GPR39: variants seen among roughly 807,000 people sequenced by gnomAD.
The protein encoded by GPR39 is zinc sensing receptor.
GPR39 carries 23 observed loss-of-function variants against 18.4 expected under a neutral mutation model. The ratio of observed to expected loss-of-function variants is 1.25; its 90% CI spans 0.90 to 1.77. The LOEUF is 1.77. GPR39 is among the 40% of genes most tolerant of loss of function. The pLI, the probability that GPR39 is intolerant of heterozygous loss-of-function variation, is 0.00. For missense variants in GPR39, 647 were observed against 602.4 expected (o/e 1.07, Z -0.78); for synonymous variants, 280 against 257.9 (o/e 1.09, Z -0.82).
At chr2:132,573,855 A>G (rs16836223) in intron 1 of GPR39, among the ~76,000 whole-genome samples, 3,073 of 152,298 alleles carry the variant, frequency 0.02, 113 homozygotes, top group African/African-American at 0.068. Flanking sequence ...AGAATAAGCA[A>G]AGCCTCTTGA....
At chr2:132,644,026 T>C (rs1573716048) in intron 1 of GPR39, among the ~76,000 whole-genome samples, 1 of 152,360 alleles carries the variant, frequency 6.6e-6, no homozygotes, top group South Asian at 2.1e-4. Context: ...GGGAATTTAC[T>C]GTGGGTGTCT....
chr2:132,422,054 T>C (rs1374021962), intron 1 of GPR39, among the ~76,000 whole-genome samples: 2 of 152,328 alleles, frequency 1.3e-5, no homozygotes, highest in East Asian at 3.9e-4. Flanking sequence ...ATATTAATTC[T>C]TATAATGATT....
chr2:132,417,200 GGGTCACCCA>G lies in GPR39; in HGVS notation c.162_170del (p.Thr55_Val57del), dbSNP rs775978167. The G allele has an allele frequency of 1.1e-5, 17 of 1,613,966 alleles. No individual in the cohort carries two copies. The highest frequency in any genetic ancestry group is 2.2e-5 in the South Asian group (2 of 91,082). ...CTTCTGGGGAACAGCGCCACCATTC[GGGTCACCCA>G]GGTGCTGCAGAAGAAAGGATACTTG... On this transcript the variant is annotated inframe_deletion, in exon 1 of 2. Coordinates refer to ENST00000329321, the MANE Select transcript of GPR39 (RefSeq NM_001508.3).
intron 1 of GPR39, among the ~76,000 whole-genome samples, chr2:132,495,262 A>AACCTT (rs1369056190): frequency 6.6e-6 from 1 of 152,324 alleles, no homozygotes; most frequent in African/African-American, 2.4e-5. Context: ...AGAGCAAGTG[A>AACCTT]ACCTTACATT....
At chr2:132,639,094 C>T (rs753662922) in intron 1 of GPR39, among the ~76,000 whole-genome samples, 4 of 152,108 alleles carry the variant, frequency 2.6e-5, no homozygotes, top group East Asian at 1.9e-4. Context: ...CAGTGTTGTT[C>T]GGCTCAGACC....
chr2:132,575,109 G>T, intron 1 of GPR39, among the ~76,000 whole-genome samples: 1 of 151,270 alleles, frequency 6.6e-6, no homozygotes, highest in African/African-American at 2.4e-5. Context: ...TAACATTTTG[G>T]AGTTCATTTT....
intron 1 of GPR39, among the ~76,000 whole-genome samples, chr2:132,525,215 C>G (rs1679487244): frequency 6.6e-6 from 1 of 152,208 alleles, no homozygotes; most frequent in Admixed American, 6.5e-5. Flanking sequence ...ACTTTCAAAT[C>G]CCTGCCTTTG....
chr2:132,616,262 G>A (rs1325107207), intron 1 of GPR39, among the ~76,000 whole-genome samples: 1 of 152,158 alleles, frequency 6.6e-6, no homozygotes, highest in African/African-American at 2.4e-5. Context: ...GTTAGGGGAG[G>A]TGGTTCTTCA....
At chr2:132,585,976 G>A (rs369040345) in intron 1 of GPR39, among the ~76,000 whole-genome samples, 2 of 35,924 alleles carry the variant, frequency 5.6e-5, no homozygotes, top group African/African-American at 2.4e-4. Context: ...TTTTTTTAAT[G>A]CCCCACTCAG....
At chr2:132,470,403 G>C (rs1681007842) in intron 1 of GPR39, among the ~76,000 whole-genome samples, 2 of 152,270 alleles carry the variant, frequency 1.3e-5, no homozygotes, top group South Asian at 4.1e-4. Flanking sequence ...TCTGGGGAAA[G>C]ACTGTTCCAG....
At chr2:132,492,048 C>T (rs1681473343) in intron 1 of GPR39, among the ~76,000 whole-genome samples, 1 of 149,798 alleles carries the variant, frequency 6.7e-6, no homozygotes, top group African/African-American at 2.5e-5. Context: ...CATATATATA[C>T]ACCACATATA....
intron 1 of GPR39, among the ~76,000 whole-genome samples, chr2:132,628,644 C>T (rs1307430465): frequency 6.6e-6 from 1 of 152,150 alleles, no homozygotes; most frequent in Non-Finnish European, 1.5e-5. Flanking sequence ...TTTCTAAGTA[C>T]CATTACCCTA....
At chr2:132,502,025 T>G (rs946398306) in intron 1 of GPR39, among the ~76,000 whole-genome samples, 4 of 152,184 alleles carry the variant, frequency 2.6e-5, no homozygotes, top group Admixed American at 6.5e-5. Flanking sequence ...GAATTCTTAT[T>G]CATTCTGCCA....
chr2:132,493,212 ATG>A lies in GPR39; in HGVS notation c.856+75316_856+75317del, dbSNP rs1385649319. ...TATATACACCATATATACACCATAT[ATG>A]TACACCATATATACACCATATATAT... On this transcript the variant is annotated intron_variant, in intron 1 of 1. Coordinates refer to ENST00000329321, the MANE Select transcript of GPR39 (RefSeq NM_001508.3). Among the ~76,000 whole-genome samples the A allele has an allele frequency of 5.0e-3, 708 of 142,234 alleles. 6 individuals are homozygous for A. The highest frequency in any genetic ancestry group is 0.017 in the African/African-American group (614 of 36,984). 93.3% of individuals were successfully genotyped at this position (142,234 alleles called of 152,430 possible). A position where few individuals can be genotyped will look rare whatever the true frequency, so the allele number is the denominator to read the frequency against.
intron 1 of GPR39, among the ~76,000 whole-genome samples, chr2:132,430,312 T>G (rs1433497065): frequency 6.6e-6 from 1 of 152,184 alleles, no homozygotes; most frequent in African/African-American, 2.4e-5. Context: ...AGCCTTCAGG[T>G]GACTCCAATG....
intron 1 of GPR39, among the ~76,000 whole-genome samples, chr2:132,561,577 T>TACACACACAC (rs55653432): frequency 2.6e-4 from 38 of 147,988 alleles, no homozygotes; most frequent in African/African-American, 8.7e-4. Context: ...AATATGAGTG[T>TACACACACAC]ACACACACAC....
intron 1 of GPR39, among the ~76,000 whole-genome samples, chr2:132,464,806 A>T (rs551785510): frequency 5.3e-5 from 8 of 152,250 alleles, no homozygotes; most frequent in Non-Finnish European, 1.2e-4. Context: ...CTTCTAGCAA[A>T]CCTCCAAATG....
At position 132,646,440 on chromosome 2, in the gene GPR39, A is replaced by AAGAT. The variant is rs1177198040; in HGVS notation, c.*839_*842dup. On this transcript the variant is annotated 3_prime_UTR_variant, in exon 2 of 2. Coordinates refer to ENST00000329321, the MANE Select transcript of GPR39 (RefSeq NM_001508.3). ...GCTTCGGATTGTCTCATTGATATTC[A>AAGAT]AGATAGATGGTGAAAGAGACAGGCA... 58 of 421,012 alleles carry AAGAT rather than the reference A, an allele frequency of 1.4e-4. No homozygotes were observed. Among genetic ancestry groups the AAGAT allele is most frequent in the Admixed American group, 3.1e-4 (7 of 22,802 alleles). 26.1% of individuals were successfully genotyped at this position (421,012 alleles called of 1,614,324 possible). A position where few individuals can be genotyped will look rare whatever the true frequency, so the allele number is the denominator to read the frequency against.
At chr2:132,576,637 A>G (rs1210252628) in intron 1 of GPR39, among the ~76,000 whole-genome samples, 2 of 152,206 alleles carry the variant, frequency 1.3e-5, no homozygotes, top group Admixed American at 6.5e-5. Flanking sequence ...TGGGCAACAG[A>G]GCAAGATTCT....
Sources: gnomAD v4.1 joint callset for allele counts (sites outside exome capture counted in the v4.1 genomes callset) on GRCh38, gnomAD v4.1.1 for gene constraint, MANE v1.5 for transcripts, NCBI Gene and HGNC (gene_info 2026-07-23, HGNC 2026-07-21) for gene names.